The following BEND7 variants were observed in gnomAD, a reference collection of about 807,000 sequenced individuals.
The protein encoded by BEND7 is BEN domain-containing protein 7.
Under a neutral mutation model 50.9 loss-of-function variants are expected in BEND7, and 28 were observed. The ratio of observed to expected loss-of-function variants is 0.55; its 90% CI spans 0.41 to 0.75. The LOEUF (loss-of-function observed/expected upper bound fraction) is 0.75. BEND7 is among the 30% of genes least tolerant of loss of function. BEND7 has a pLI of 0.00. For synonymous variants in BEND7, 170 were observed against 183.9 expected, an observed-to-expected ratio of 0.92 and a Z score of 0.61; for missense variants, 477 against 491.3, an observed-to-expected ratio of 0.97 and a Z score of 0.28.
intron 6 of BEND7, among the ~76,000 whole-genome samples, chr10:13,474,609 G>A (rs1218728398): frequency 2.6e-5 from 4 of 151,474 alleles, no homozygotes; most frequent in Admixed American, 6.6e-5. Flanking sequence ...TGTTGGACTC[G>A]GGTCGATACC....
intron 5 of BEND7, among the ~76,000 whole-genome samples, chr10:13,488,134 AT>A (rs2076378889): frequency 6.6e-6 from 1 of 151,516 alleles, no homozygotes; most frequent in African/African-American, 2.4e-5. Context: ...CAATACAGAT[AT>A]TCTGATGAAT....
At chr10:13,489,757 A>G (rs985027425) in intron 5 of BEND7, among the ~76,000 whole-genome samples, 4 of 152,124 alleles carry the variant, frequency 2.6e-5, no homozygotes, top group Admixed American at 1.3e-4. Context: ...AGGTGGGTAC[A>G]GAGAGGAGGA....
At chr10:13,474,434 A>G (rs549893179) in intron 6 of BEND7, among the ~76,000 whole-genome samples, 13 of 151,748 alleles carry the variant, frequency 8.6e-5, no homozygotes, top group African/African-American at 3.1e-4. Context: ...CTCGGGGCCG[A>G]TATCTGTCAT....
chr10:13,465,769 G>A (rs1365243928), intron 6 of BEND7, among the ~76,000 whole-genome samples: 2 of 151,898 alleles, frequency 1.3e-5, no homozygotes, highest in Non-Finnish European at 2.9e-5. Flanking sequence ...GTGAATCTAC[G>A]TCCCACAGTG....
chr10:13,488,573 C>T (rs139458477), intron 5 of BEND7, among the ~76,000 whole-genome samples: 3,704 of 151,874 alleles, frequency 0.024, 147 homozygotes, highest in African/African-American at 0.085. Context: ...CTGCAATCTT[C>T]GACTCCCGGG....
chr10:13,504,640 C>T (rs1037633080), intron 2 of BEND7, among the ~76,000 whole-genome samples: 1 of 152,194 alleles, frequency 6.6e-6, no homozygotes, highest in Non-Finnish European at 1.5e-5. Context: ...TTTGGAGCAA[C>T]GAGCTCTCTA....
intron 3 of BEND7, among the ~76,000 whole-genome samples, chr10:13,498,273 C>T (rs977402219): frequency 1.3e-4 from 19 of 151,888 alleles, no homozygotes; most frequent in Non-Finnish European, 7.4e-5. Context: ...GATGGGGTTT[C>T]GCCATGTTGG....
chr10:13,519,604 G>A (rs372408832), intron 2 of BEND7, among the ~76,000 whole-genome samples: 35 of 152,200 alleles, frequency 2.3e-4, no homozygotes, highest in Admixed American at 1.7e-3. Flanking sequence ...ACAGGATTTC[G>A]CATGTGCGTC....
chr10:13,472,586 T>C (rs1008459730), intron 6 of BEND7, among the ~76,000 whole-genome samples: 6 of 151,438 alleles, frequency 4.0e-5, no homozygotes, highest in African/African-American at 1.5e-4. Context: ...AGATTTGGGG[T>C]TGATACCCGT....
At chr10:13,471,177 C>T (rs2074786263) in intron 6 of BEND7, among the ~76,000 whole-genome samples, 2 of 152,214 alleles carry the variant, frequency 1.3e-5, no homozygotes, top group Admixed American at 6.5e-5. Flanking sequence ...TGTTAGGGGT[C>T]ATCGCTGACA....
chr10:13,467,846 C>A (rs934940174), intron 6 of BEND7, among the ~76,000 whole-genome samples: 6 of 152,162 alleles, frequency 3.9e-5, no homozygotes, highest in Admixed American at 3.3e-4. Flanking sequence ...GATAAACTGA[C>A]TGATTTCTTC....
At chr10:13,509,634 G>A (rs1330188549) in intron 2 of BEND7, among the ~76,000 whole-genome samples, 1 of 152,230 alleles carries the variant, frequency 6.6e-6, no homozygotes, top group Non-Finnish European at 1.5e-5. Flanking sequence ...GCCTCACAAA[G>A]ATGGCAAGAC....
intron 2 of BEND7, among the ~76,000 whole-genome samples, chr10:13,505,428 T>G (rs1236368192): frequency 1.3e-5 from 2 of 152,210 alleles, no homozygotes; most frequent in African/African-American, 4.8e-5. Flanking sequence ...TGGATAACGC[T>G]CTGGACCCAA....
chr10:13,517,997 A>G (rs2078817785), intron 2 of BEND7, among the ~76,000 whole-genome samples: 1 of 152,168 alleles, frequency 6.6e-6, no homozygotes, highest in Non-Finnish European at 1.5e-5. Context: ...TGCAAAACAC[A>G]CTGGTTCAAA....
At chr10:13,504,051 G>C (rs2077683542) in intron 2 of BEND7, among the ~76,000 whole-genome samples, 2 of 152,192 alleles carry the variant, frequency 1.3e-5, no homozygotes, top group Non-Finnish European at 2.9e-5. Flanking sequence ...GAAGAAAGAG[G>C]TTTCCTTGCA....
At chr10:13,480,075 A>T (rs1293943341) in intron 6 of BEND7, among the ~76,000 whole-genome samples, 40 of 152,174 alleles carry the variant, frequency 2.6e-4, no homozygotes, top group Non-Finnish European at 4.4e-5. Flanking sequence ...CCTGATTCAG[A>T]GTCTCATTTT....
chr10:13,455,517 G>T (rs1838752439), intron 6 of BEND7, among the ~76,000 whole-genome samples: 1 of 152,180 alleles, frequency 6.6e-6, no homozygotes. Context: ...GGCCCAGAGA[G>T]GGGTGGAAGA....
chr10:13,447,360 G>C, intron 7 of BEND7, 44 bp from the exon 8 acceptor site: 1 of 1,598,234 alleles, frequency 6.3e-7, no homozygotes, highest in Non-Finnish European at 8.6e-7. Context: ...TAGTTCCAGG[G>C]AGCACATTCA....
At chr10:13,505,838 T>C (rs895118701) in intron 2 of BEND7, among the ~76,000 whole-genome samples, 2 of 152,252 alleles carry the variant, frequency 1.3e-5, no homozygotes, top group East Asian at 3.9e-4. Context: ...CCTACAAATG[T>C]ACCAGTGCTA....
Sources: allele counts gnomAD v4.1 joint callset (sites outside exome capture counted in the v4.1 genomes callset), GRCh38; gene constraint gnomAD v4.1.1; transcripts MANE v1.5; gene names NCBI Gene and HGNC (gene_info 2026-07-23, HGNC 2026-07-21).